The following EPHA6 variants were observed in gnomAD, a reference collection of about 807,000 sequenced individuals.
EPHA6 encodes EPH receptor A6.
In EPHA6, 50 loss-of-function variants were observed where a neutral mutation model predicts 112.0. The ratio of observed to expected loss-of-function variants is 0.45; its 90% CI spans 0.36 to 0.56. The LOEUF is 0.56. EPHA6 is among the 20% of genes least tolerant of loss of function. The pLI, the probability that EPHA6 is intolerant of heterozygous loss-of-function variation, is 0.00. For missense variants in EPHA6, 1,280 were observed against 1,417.4 expected, an observed-to-expected ratio of 0.90 and a Z score of 1.56; for synonymous variants, 529 against 490.7, an observed-to-expected ratio of 1.08 and a Z score of -1.03.
intron 10 of EPHA6, among the ~76,000 whole-genome samples, chr3:97,504,963 T>C (rs766187801): frequency 2.0e-5 from 3 of 152,142 alleles, no homozygotes; most frequent in Non-Finnish European, 2.9e-5. Context: ...AAACCTGCTT[T>C]TTAAAAATAT....
intron 3 of EPHA6, among the ~76,000 whole-genome samples, chr3:97,089,073 G>A (rs902746396): frequency 8.5e-5 from 13 of 152,068 alleles, no homozygotes; most frequent in Admixed American, 7.9e-4. Flanking sequence ...AAGAGGATAG[G>A]ACAGAGAAAG....
intron 16 of EPHA6, among the ~76,000 whole-genome samples, chr3:97,741,924 C>T (rs2035521379): frequency 6.6e-6 from 1 of 152,062 alleles, no homozygotes; most frequent in Non-Finnish European, 1.5e-5. Flanking sequence ...TGACCTTAGT[C>T]ATGGGAATAA....
Position 97,027,081 on chromosome 3 carries a change from A to C in EPHA6, c.1114+39088A>C, listed in dbSNP as rs560819418. Among the ~76,000 whole-genome samples, 9 of 152,348 alleles carry C rather than the reference A, an allele frequency of 5.9e-5. No homozygotes were observed. In the East Asian group the frequency reaches 1.5e-3, roughly 26 times the overall value. On this transcript the variant is annotated intron_variant, in intron 3 of 17. Transcript: ENST00000389672. ...AGACTGGATAAAGAAAACGTGGTACATGTACACCATGGAATACAACGTAGC... is the reference window on the plus strand; with the variant it reads ...AGACTGGATAAAGAAAACGTGGTACCTGTACACCATGGAATACAACGTAGC...
intron 3 of EPHA6, among the ~76,000 whole-genome samples, chr3:97,049,014 T>C (rs1325591889): frequency 6.6e-6 from 1 of 152,136 alleles, no homozygotes; most frequent in Non-Finnish European, 1.5e-5. Flanking sequence ...GGAAATAGTC[T>C]TTCTTGTTTG....
intron 2 of EPHA6, among the ~76,000 whole-genome samples, chr3:96,874,861 T>C (rs1169432407): frequency 1.3e-5 from 2 of 151,402 alleles, no homozygotes; most frequent in Non-Finnish European, 2.9e-5. Flanking sequence ...AGGGTTAGAG[T>C]AGGGGGACTT....
chr3:97,011,802 C>A (rs754504093), intron 3 of EPHA6, among the ~76,000 whole-genome samples: 3 of 152,138 alleles, frequency 2.0e-5, no homozygotes, highest in Non-Finnish European at 4.4e-5. Flanking sequence ...CCACCCGGCT[C>A]CTTCCTCTAG....
intron 1 of EPHA6, among the ~76,000 whole-genome samples, chr3:96,837,804 G>A (rs1378914471): frequency 6.6e-6 from 1 of 151,982 alleles, no homozygotes; most frequent in Non-Finnish European, 1.5e-5. Context: ...GAGAATTAAT[G>A]CATACTTTAA....
intron 2 of EPHA6, among the ~76,000 whole-genome samples, chr3:96,979,166 A>G (rs1254444409): frequency 1.3e-5 from 2 of 151,752 alleles, no homozygotes; most frequent in African/African-American, 4.8e-5. Flanking sequence ...CCATTAACTC[A>G]TCATTTACAT....
chr3:97,440,868 G>T (rs1205677755), intron 6 of EPHA6, among the ~76,000 whole-genome samples: 5 of 151,642 alleles, frequency 3.3e-5, no homozygotes, highest in African/African-American at 1.2e-4. Context: ...GTATGGAAGA[G>T]ATTTTTAATA....
intron 2 of EPHA6, among the ~76,000 whole-genome samples, chr3:96,938,829 A>G (rs2040760489): frequency 6.6e-6 from 1 of 152,112 alleles, no homozygotes; most frequent in East Asian, 1.9e-4. Context: ...GGGCTGTTGA[A>G]TTTTGTCAAA....
At chr3:97,390,633 A>G (rs2086346441) in intron 5 of EPHA6, among the ~76,000 whole-genome samples, 1 of 152,012 alleles carries the variant, frequency 6.6e-6, no homozygotes, top group South Asian at 2.1e-4. Flanking sequence ...TTTTAAAAAT[A>G]TTTTATAGCT....
At chr3:97,216,557 C>G (rs2078040690) in intron 3 of EPHA6, among the ~76,000 whole-genome samples, 1 of 152,090 alleles carries the variant, frequency 6.6e-6, no homozygotes, top group Non-Finnish European at 1.5e-5. Context: ...GGGATAGGCC[C>G]CTTTCATCTC....
At chr3:96,954,948 C>T (rs889018972) in intron 2 of EPHA6, among the ~76,000 whole-genome samples, 1 of 151,774 alleles carries the variant, frequency 6.6e-6, no homozygotes, top group African/African-American at 2.4e-5. Flanking sequence ...CCTTCTACAT[C>T]TAGAATGCTA....
At chr3:96,878,958 A>G (rs1422470759) in intron 2 of EPHA6, among the ~76,000 whole-genome samples, 2 of 152,084 alleles carry the variant, frequency 1.3e-5, no homozygotes, top group East Asian at 3.9e-4. Context: ...GTGAAAACTG[A>G]ATAAATTGAT....
intron 3 of EPHA6, among the ~76,000 whole-genome samples, chr3:97,216,358 G>A (rs2078034544): frequency 6.6e-6 from 1 of 152,094 alleles, no homozygotes; most frequent in South Asian, 2.1e-4. Context: ...CATTCATGAG[G>A]AATCCACCTC....
In EPHA6 at chr3:97,316,418, A is replaced by G. The variant is rs185640119; in HGVS notation, c.1606+72131A>G. On this transcript the variant is annotated intron_variant, in intron 5 of 17. Transcript: ENST00000389672. ...CCAGGAACACCAATCAAGAAGATGA[A>G]ATAAATAGTGTTCCACATGCAAGGA... Among the ~76,000 whole-genome samples the G allele has an allele frequency of 3.7e-4, 57 of 152,014 alleles. 2 individuals are homozygous for G. The highest frequency in any genetic ancestry group is 1.4e-3 in the African/African-American group (56 of 41,452).
intron 3 of EPHA6, among the ~76,000 whole-genome samples, chr3:97,121,443 G>A (rs959506922): frequency 6.6e-6 from 1 of 152,028 alleles, no homozygotes; most frequent in Non-Finnish European, 1.5e-5. Context: ...GGATGGAAGA[G>A]GTGAACTCAA....
intron 2 of EPHA6, among the ~76,000 whole-genome samples, chr3:96,931,144 A>T (rs1277861405): frequency 3.9e-5 from 6 of 152,076 alleles, no homozygotes; most frequent in Admixed American, 3.9e-4. Context: ...TGAACAACCA[A>T]GGTGGTGGCC....
chr3:97,579,227 T>C (rs1227682263), intron 11 of EPHA6, among the ~76,000 whole-genome samples: 1 of 152,234 alleles, frequency 6.6e-6, no homozygotes, highest in African/African-American at 2.4e-5. Flanking sequence ...TATCTGCCCC[T>C]TAGTGCTGTA....
Sources: gnomAD v4.1 joint callset for allele counts (sites outside exome capture counted in the v4.1 genomes callset) on GRCh38, gnomAD v4.1.1 for gene constraint, MANE v1.5 for transcripts, NCBI Gene and HGNC (gene_info 2026-07-23, HGNC 2026-07-21) for gene names.